GTF3C3: variants seen among roughly 807,000 people sequenced by gnomAD.
GTF3C3 encodes general transcription factor 3C polypeptide 3.
GTF3C3 carries 75 observed loss-of-function variants against 105.2 expected under a neutral mutation model. That is an observed-to-expected ratio of 0.71 (90% CI 0.59 to 0.86). The LOEUF is 0.86. Ranked by LOEUF, GTF3C3 falls within the 40% of genes least tolerant of loss-of-function variation. GTF3C3 has a pLI of 0.00. For missense variants in GTF3C3, 856 were observed against 1,076.5 expected (o/e 0.80, Z 2.87); for synonymous variants, 335 against 370.4 (o/e 0.90, Z 1.10).
intron 16 of GTF3C3, among the ~76,000 whole-genome samples, chr2:196,769,593 G>A (rs955487629): frequency 1.3e-4 from 20 of 152,122 alleles, no homozygotes; most frequent in African/African-American, 4.6e-4. Flanking sequence ...ACTACTTTAA[G>A]TGAATCTTCA....
chr2:196,789,147 T>G, intron 6 of GTF3C3, 57 bp downstream of exon 6: 1 of 1,385,552 alleles, frequency 7.2e-7, no homozygotes, highest in Non-Finnish European at 9.9e-7. Flanking sequence ...AATATATGCT[T>G]TGATTTGCAA....
In GTF3C3 at chr2:196,784,889, GT is replaced by G. The variant is rs750792116; in HGVS notation, c.1081del (p.Thr361LeufsTer26). On this transcript the variant is annotated frameshift_variant, in exon 8 of 18. Coordinates refer to ENST00000263956, the MANE Select transcript of GTF3C3 (RefSeq NM_012086.5). LOFTEE classifies it high-confidence loss of function. Reference protein sequence around the residue: ...DFSGIVLEKKTSEEGTSEENK... With the variant: ...DFSGIVLEKKXSEEGTSEENK... ...CTCTTCTGAGGTGCCTTCTTCTGAA[GT>G]TTTTTTTTCCAGCACAATTCCAGAA... 1.5e-5 allele frequency: 24 copies of G among 1,593,158 alleles called. No individual in the cohort carries two copies. The highest frequency in any genetic ancestry group is 1.9e-5 in the Non-Finnish European group (22 of 1,165,404).
intron 17 of GTF3C3, among the ~76,000 whole-genome samples, chr2:196,765,759 C>T (rs1699052338): frequency 6.6e-6 from 1 of 151,626 alleles, no homozygotes; most frequent in African/African-American, 2.4e-5. Flanking sequence ...GCCTGTAATC[C>T]CAGCACTTTG....
chr2:196,791,761 C>G, intron 3 of GTF3C3: 1 of 232,788 alleles, frequency 4.3e-6, no homozygotes, highest in Non-Finnish European at 8.6e-6. Context: ...CAGAGTGAAA[C>G]CCGTCTATAC....
At chr2:196,797,393 C>T (rs1699665744) in intron 2 of GTF3C3, among the ~76,000 whole-genome samples, 1 of 152,150 alleles carries the variant, frequency 6.6e-6, no homozygotes. Flanking sequence ...TTGCCTTCCA[C>T]GCTAACATTT....
chr2:196,769,918 T>A lies in GTF3C3; in HGVS notation c.2382A>T (p.Val794=), dbSNP rs1007037714. ...ACGAGAAATTTGAATGAATTACCTG[T>A]ACAATAAGAGCATGTCTCCGTAACA... The part of the protein sequence containing the change: ...KYVLRRHALI[V]QGFSFLNRYL... The change falls in exon 16 of 18, where the codon GTA becomes GTT. Residue 794 remains valine, a synonymous_variant. Transcript: ENST00000263956. The A allele has an allele frequency of 1.2e-6, 2 of 1,606,658 alleles. No individual in the cohort carries two copies. The highest frequency in any genetic ancestry group is 2.7e-5 in the African/African-American group (2 of 74,620).
intron 15 of GTF3C3, among the ~76,000 whole-genome samples, chr2:196,770,486 G>GT (rs1242979543): frequency 6.6e-6 from 1 of 152,066 alleles, no homozygotes; most frequent in East Asian, 1.9e-4. Context: ...GCTTTGTTTT[G>GT]TTTTTTAGAC....
intron 6 of GTF3C3, 97 bp downstream of exon 6, chr2:196,789,107 G>A: frequency 9.6e-7 from 1 of 1,041,222 alleles, no homozygotes; most frequent in Non-Finnish European, 1.4e-6. Flanking sequence ...AACACTTCTT[G>A]AACTTCAATG....
intron 2 of GTF3C3, 99 bp downstream of exon 2, chr2:196,797,698 C>A: frequency 2.7e-6 from 2 of 732,202 alleles, no homozygotes. Flanking sequence ...AGGTAATCAA[C>A]AACAGAGTAT....
intron 1 of GTF3C3, among the ~76,000 whole-genome samples, chr2:196,798,457 G>T (rs938826404): frequency 6.6e-6 from 1 of 152,042 alleles, no homozygotes; most frequent in Non-Finnish European, 1.5e-5. Flanking sequence ...CCGGGAGGCG[G>T]AAGTTACAGT....
chr2:196,790,605 T>C (rs1367870215), intron 4 of GTF3C3, among the ~76,000 whole-genome samples: 3 of 152,158 alleles, frequency 2.0e-5, no homozygotes, highest in Admixed American at 6.6e-5. Flanking sequence ...AGAACAATTA[T>C]AAACTAAAAT....
At chr2:196,766,903 A>G in intron 16 of GTF3C3, 186 bp from the exon 17 acceptor site, 1 of 394,448 alleles carries the variant, frequency 2.5e-6, no homozygotes, top group Non-Finnish European at 4.5e-6. Context: ...TGAAGATGTA[A>G]GAATTTTTTT....
At position 196,766,779 on chromosome 2, in the gene GTF3C3, C is replaced by T; in HGVS notation, c.2386-62G>A. The T allele has an allele frequency of 7.1e-6, 9 of 1,269,916 alleles. No homozygotes were observed. The South Asian group carries it at 1.1e-4, about 16-fold the overall frequency. The allele number at this position is 1,269,916 out of a possible 1,614,324, so 78.7% of individuals were successfully genotyped here. A position where few individuals can be genotyped will look rare whatever the true frequency, so the allele number is the denominator to read the frequency against. On this transcript the variant is annotated intron_variant, in intron 16 of 17. Transcript: ENST00000263956. The stretch of plus-strand genomic sequence containing the variant: ...GATTTGACAATTATGTACTAGACCA[C>T]TGTATTACCAGGTGCTGAAAATACA...
intron 2 of GTF3C3, among the ~76,000 whole-genome samples, chr2:196,795,082 C>T (rs1222134931): frequency 6.6e-6 from 1 of 152,058 alleles, no homozygotes; most frequent in Non-Finnish European, 1.5e-5. Context: ...TGCTCTGTCG[C>T]CCAGGCTGGA....
At chr2:196,797,119 C>G (rs893404793) in intron 2 of GTF3C3, among the ~76,000 whole-genome samples, 5 of 152,210 alleles carry the variant, frequency 3.3e-5, no homozygotes, top group African/African-American at 1.2e-4. Context: ...TTCTAACTGA[C>G]AGTTTAGCAT....
chr2:196,775,466 C>G (rs1699244756), intron 12 of GTF3C3, among the ~76,000 whole-genome samples: 1 of 152,074 alleles, frequency 6.6e-6, no homozygotes, highest in Non-Finnish European at 1.5e-5. Flanking sequence ...ACAGGTGCCA[C>G]AAGACTGAAA....
rs1009856506 is a variant in GTF3C3, at chr2:196,776,958, G to T, written c.1391-329C>A. 3.3e-5 allele frequency among the ~76,000 whole-genome samples: 5 copies of T among 152,068 alleles called. No individual in the cohort carries two copies. The highest frequency in any genetic ancestry group is 9.7e-5 in the African/African-American group (4 of 41,400). On this transcript the variant is annotated intron_variant, in intron 10 of 17. Coordinates refer to ENST00000263956, the MANE Select transcript of GTF3C3 (RefSeq NM_012086.5). This position sits in a 1 kb window ranked among gnomAD's most constrained non-coding sequence, Gnocchi z 4.5. ...AATTATATCATTTGCCATTTAGGTT[G>T]CTTTCAAATTTTTACTCTAATAAAT... is the stretch of plus-strand genomic sequence containing the variant.
At chr2:196,784,215 TCA>T (rs1438471786) in intron 8 of GTF3C3, among the ~76,000 whole-genome samples, 1 of 152,164 alleles carries the variant, frequency 6.6e-6, no homozygotes, top group Admixed American at 6.6e-5. Flanking sequence ...ATCAAAATCC[TCA>T]CAGTGTAGGG....
At chr2:196,774,461 A>G (rs549500356) in intron 13 of GTF3C3, among the ~76,000 whole-genome samples, 1 of 152,338 alleles carries the variant, frequency 6.6e-6, no homozygotes, top group South Asian at 2.1e-4. Flanking sequence ...AAAAAGGCTT[A>G]GTTCATCCTA....
Sources: gnomAD v4.1 joint callset for allele counts (sites outside exome capture counted in the v4.1 genomes callset) on GRCh38, gnomAD v4.1.1 for gene constraint, Gnocchi (gnomAD v3.1) non-coding constraint, MANE v1.5 for transcripts, NCBI Gene and HGNC (gene_info 2026-07-23, HGNC 2026-07-21) for gene names.